TRIM9: variants seen among roughly 807,000 people sequenced by gnomAD.
TRIM9 encodes E3 ubiquitin-protein ligase TRIM9.
In TRIM9, 26 loss-of-function variants were observed where a neutral mutation model predicts 78.3. That is an observed-to-expected ratio of 0.33 (90% CI 0.24 to 0.46). The LOEUF (loss-of-function observed/expected upper bound fraction) is 0.46. Among genes scored for constraint, TRIM9 ranks in the 20% least tolerant of loss-of-function variants. The probability of loss-of-function intolerance (pLI) is 1.00; values close to 1 mark genes in which losing one functional copy is unlikely to be tolerated. For synonymous variants in TRIM9, 398 were observed against 416.5 expected, an observed-to-expected ratio of 0.96 and a Z score of 0.54; for missense variants, 787 against 1,036.4, an observed-to-expected ratio of 0.76 and a Z score of 3.30.
intron 1 of TRIM9, among the ~76,000 whole-genome samples, chr14:51,078,783 G>A (rs1013970300): frequency 1.3e-5 from 2 of 152,096 alleles, no homozygotes; most frequent in South Asian, 2.1e-4. Context: ...ATAATTCAAC[G>A]GAGGAGATAC....
rs568285933 is a variant in TRIM9 at position 51,075,060 on chromosome 14, C to T, written c.822+19058G>A. Among the ~76,000 whole-genome samples the T allele has an allele frequency of 2.0e-5, 3 of 152,326 alleles. No individual in the cohort carries two copies. In the South Asian group the frequency reaches 6.2e-4, roughly 32 times the overall value. On this transcript the variant is annotated intron_variant, in intron 1 of 12. Coordinates refer to ENST00000684578, the MANE Select transcript of TRIM9 (RefSeq NM_001387360.1). Reference sequence around the variant, plus strand: ...CTGAGTCAGAGAAACATCAGTAAGTCTAGATCCCAATTAAATTTGCCGCTA... The same window carrying T: ...CTGAGTCAGAGAAACATCAGTAAGTTTAGATCCCAATTAAATTTGCCGCTA...
At chr14:51,086,332 A>G (rs1178803503) in intron 1 of TRIM9, among the ~76,000 whole-genome samples, 3 of 149,086 alleles carry the variant, frequency 2.0e-5, no homozygotes, top group Non-Finnish European at 3.0e-5. Context: ...TGTGTGGATT[A>G]TGAAGATTAA....
At chr14:51,094,075 T>C (rs1233169313) in intron 1 of TRIM9, 43 bp downstream of exon 1, 1 of 1,562,908 alleles carries the variant, frequency 6.4e-7, no homozygotes, top group Non-Finnish European at 8.7e-7. Flanking sequence ...AACCGGATGA[T>C]CGGAGACGCA....
Position 51,025,336 on chromosome 14 carries a change from C to T in TRIM9, c.847G>A (p.Gly283Arg), listed in dbSNP as rs187663639. Residue 283 changes from glycine (G) to arginine (R), a missense_variant, in exon 2 of 13, where the codon GGA becomes AGA. By Grantham distance (125) the Gly-to-Arg change is moderately radical. Transcript: ENST00000684578. ...HKSQLSQALN[G>R]LSDRAKEAKE... ...GCTTCTTTGGCCCTGTCTGACAGTC[C>T]GTTCAGCGCCTGGGAGAGCTGGCTC... 80 of 1,614,128 alleles carry T rather than the reference C, an allele frequency of 5.0e-5. No individual in the cohort carries two copies. The highest frequency in any genetic ancestry group is 6.7e-5 in the East Asian group (3 of 44,884).
chr14:50,978,911 G>A, intron 12 of TRIM9: 1 of 1,018,408 alleles, frequency 9.8e-7, no homozygotes, highest in Non-Finnish European at 1.2e-6. Context: ...TGTAGGTAGG[G>A]ACTATGTTTT....
chr14:51,027,247 G>A (rs558551335), intron 1 of TRIM9, among the ~76,000 whole-genome samples: 2 of 144,910 alleles, frequency 1.4e-5, no homozygotes, highest in African/African-American at 5.0e-5. Context: ...AGGTTCAAGC[G>A]ATTCTCCTGC....
At chr14:51,025,742 A>G (rs1333974170) in intron 1 of TRIM9, among the ~76,000 whole-genome samples, 3 of 128,906 alleles carry the variant, frequency 2.3e-5, no homozygotes, top group Admixed American at 7.6e-5. Flanking sequence ...ACTTAGCACA[A>G]AGGGCTATTG....
chr14:51,028,584 T>C (rs2058457687), intron 1 of TRIM9, among the ~76,000 whole-genome samples: 1 of 152,254 alleles, frequency 6.6e-6, no homozygotes, highest in Non-Finnish European at 1.5e-5. Context: ...ATATGTAGTA[T>C]GTGTTTTCAT....
intron 1 of TRIM9, among the ~76,000 whole-genome samples, chr14:51,031,229 C>A (rs1296804348): frequency 6.6e-6 from 1 of 151,638 alleles, no homozygotes; most frequent in Admixed American, 6.6e-5. Context: ...AGCCAGGGTC[C>A]TCTGAGCCCT....
chr14:51,015,511 T>G (rs1596178178), intron 3 of TRIM9, among the ~76,000 whole-genome samples: 1 of 102,628 alleles, frequency 9.7e-6, no homozygotes, highest in East Asian at 2.5e-4. Flanking sequence ...TTTTCTTTTT[T>G]TTTTTTTTTT....
chr14:51,010,480 C>T lies in TRIM9; in HGVS notation c.1056G>A (p.Gln352=), dbSNP rs2056431841. Residue 352 remains glutamine, a synonymous_variant, in exon 4 of 13, where the codon CAG becomes CAA. Transcript: ENST00000684578. The part of the protein sequence containing the change: ...HEHKLKVVRD[Q]ISHCTVKLRQ... ...GCAATTTCACTGTGCAGTGAGAGAT[C>T]TGATCTCGAACCACCTAGGATTAAA... 1.9e-6 allele frequency: 3 copies of T among 1,613,024 alleles called. No homozygotes were observed. The highest frequency in any genetic ancestry group is 2.5e-6 in the Non-Finnish European group (3 of 1,179,588).
At chr14:51,028,844 G>T (rs1020359940) in intron 1 of TRIM9, among the ~76,000 whole-genome samples, 1 of 152,144 alleles carries the variant, frequency 6.6e-6, no homozygotes, top group African/African-American at 2.4e-5. Context: ...ATGACAAGTT[G>T]TTCAAGCCTG....
At chr14:51,048,983 C>CA (rs570470795) in intron 1 of TRIM9, among the ~76,000 whole-genome samples, 3,398 of 95,092 alleles carry the variant, frequency 0.036, 61 homozygotes, top group African/African-American at 0.082. Context: ...GACTCCATCT[C>CA]AAAAAAAAAA....
intron 3 of TRIM9, among the ~76,000 whole-genome samples, chr14:51,011,558 A>G (rs539094485): frequency 3.7e-4 from 57 of 152,292 alleles, no homozygotes; most frequent in African/African-American, 1.3e-3. Flanking sequence ...TATTTATACT[A>G]CTTTGCAAAA....
Position 51,022,762 on chromosome 14 carries a change from C to T in TRIM9, c.1041+73G>A. 5 of 1,591,782 alleles carry T rather than the reference C, an allele frequency of 3.1e-6. No individual in the cohort carries two copies. In the South Asian group the frequency reaches 4.6e-5, roughly 14 times the overall value. On this transcript the variant is annotated intron_variant, in intron 3 of 12. Transcript: ENST00000684578. ...CCTCCTGTCCATGGGAAGGAATTCTCCCAGCCTGTCCATCATGCCCCTCGG... is the reference window on the plus strand; with the variant it reads ...CCTCCTGTCCATGGGAAGGAATTCTTCCAGCCTGTCCATCATGCCCCTCGG...
chr14:51,001,329 A>C (rs1368005281), intron 5 of TRIM9, among the ~76,000 whole-genome samples: 6 of 148,660 alleles, frequency 4.0e-5, no homozygotes, highest in Non-Finnish European at 7.4e-5. Flanking sequence ...TCCCGGGTTC[A>C]CACCATTCTC....
At chr14:51,029,905 T>C (rs1370065396) in intron 1 of TRIM9, among the ~76,000 whole-genome samples, 3 of 152,138 alleles carry the variant, frequency 2.0e-5, no homozygotes, top group African/African-American at 7.2e-5. Context: ...GCCAAAACAA[T>C]TGTTTAATTG....
chr14:50,989,320 G>A (rs920694840), intron 7 of TRIM9, among the ~76,000 whole-genome samples: 16 of 152,164 alleles, frequency 1.1e-4, no homozygotes, highest in African/African-American at 7.2e-5. Context: ...ACTTAAGTGC[G>A]TATTCTGCGT....
chr14:51,009,028 C>A (rs371700748), intron 5 of TRIM9, 52 bp downstream of exon 5: 10 of 1,587,354 alleles, frequency 6.3e-6, no homozygotes, highest in Middle Eastern at 1.8e-4. Flanking sequence ...GCTTCAAGCA[C>A]CAGCATCCAC....
Sources: allele counts gnomAD v4.1 joint callset (sites outside exome capture counted in the v4.1 genomes callset), GRCh38; gene constraint gnomAD v4.1.1; transcripts MANE v1.5; gene names NCBI Gene and HGNC (gene_info 2026-07-23, HGNC 2026-07-21).